Variants in CLIC5 observed in about 807,000 individuals in gnomAD.
CLIC5 encodes CLIC family member 5.
A neutral mutation model predicts 24.7 loss-of-function variants in CLIC5; 20 were observed. The ratio of observed to expected loss-of-function variants is 0.81; its 90% confidence interval spans 0.57 to 1.18. CLIC5 has a LOEUF of 1.18. CLIC5 is among the 50% of genes most tolerant of loss of function. The pLI is 0.00. For missense variants in CLIC5, 341 were observed against 326.1 expected (o/e 1.05, Z -0.35); for synonymous variants, 159 against 135.6 (o/e 1.17, Z -1.20).
intron 1 of CLIC5, among the ~76,000 whole-genome samples, chr6:45,991,277 T>G (rs571149818): frequency 6.6e-6 from 1 of 152,340 alleles, no homozygotes; most frequent in South Asian, 2.1e-4. Flanking sequence ...AAGAGATTCT[T>G]GCTAGTCCTA....
At chr6:46,011,234 G>A (rs1191481313) in intron 1 of CLIC5, among the ~76,000 whole-genome samples, 1 of 152,218 alleles carries the variant, frequency 6.6e-6, no homozygotes, top group Non-Finnish European at 1.5e-5. Context: ...TCTGTTAACT[G>A]GGCAGTGATT....
intron 6 of CLIC5, among the ~76,000 whole-genome samples, chr6:45,884,286 A>G (rs1437850777): frequency 1.3e-5 from 2 of 152,210 alleles, no homozygotes; most frequent in Non-Finnish European, 2.9e-5. Context: ...CAGGTAGGAG[A>G]AACCAGCCTT....
chr6:46,007,924 T>C (rs1196012687), intron 1 of CLIC5, among the ~76,000 whole-genome samples: 1 of 151,346 alleles, frequency 6.6e-6, no homozygotes, highest in African/African-American at 2.4e-5. Flanking sequence ...TCTTTTTTTT[T>C]TTTTCCCGAT....
chr6:45,880,975 G>T, downstream of CLIC5: 1 of 394,744 alleles, frequency 2.5e-6, no homozygotes, highest in Middle Eastern at 6.4e-4. Context: ...AGAGGGAATG[G>T]GGGGACGGGT....
At chr6:45,905,799 A>G (rs1762644978) in intron 5 of CLIC5, among the ~76,000 whole-genome samples, 1 of 152,106 alleles carries the variant, frequency 6.6e-6, no homozygotes, top group Admixed American at 6.5e-5. Flanking sequence ...TTACTTCCCA[A>G]AACTGATGTA....
intron 1 of CLIC5, among the ~76,000 whole-genome samples, chr6:45,982,643 T>C (rs1012209804): frequency 2.0e-5 from 3 of 152,156 alleles, no homozygotes; most frequent in African/African-American, 4.8e-5. Context: ...AAAAATACAG[T>C]ATTATAATTT....
chr6:46,069,335 A>G (rs187954790), intron 1 of CLIC5, among the ~76,000 whole-genome samples: 6 of 152,308 alleles, frequency 3.9e-5, no homozygotes, highest in Admixed American at 1.3e-4. Context: ...CATGTGAAAG[A>G]GAGAAGATCC....
chr6:46,113,901 C>T, the CLIC5 span, among the ~76,000 whole-genome samples: 12 of 152,138 alleles, frequency 7.9e-5, no homozygotes, highest in Non-Finnish European at 1.5e-4. Context: ...AGGAGAGTGT[C>T]CCTCAGAGGA....
At chr6:46,044,624 T>G (rs1263555643) in intron 1 of CLIC5, among the ~76,000 whole-genome samples, 1 of 152,202 alleles carries the variant, frequency 6.6e-6, no homozygotes, top group Non-Finnish European at 1.5e-5. Flanking sequence ...GGCAGGAATG[T>G]AGGTTTCTTG....
intron 1 of CLIC5, among the ~76,000 whole-genome samples, chr6:45,964,846 A>G (rs1764966472): frequency 6.6e-6 from 1 of 152,220 alleles, no homozygotes; most frequent in Admixed American, 6.5e-5. Context: ...CTCAGCAGGC[A>G]ACTCACATAC....
intron 2 of CLIC5, among the ~76,000 whole-genome samples, chr6:45,952,085 C>T (rs147826666): frequency 2.2e-3 from 341 of 152,322 alleles, no homozygotes; most frequent in Non-Finnish European, 3.6e-3. Flanking sequence ...TGCTCTCAGT[C>T]ACCTCTCTGT....
chr6:46,015,616 G>A lies in CLIC5; in HGVS notation c.-74C>T. The A allele has an allele frequency of 2.1e-6, 3 of 1,424,298 alleles. No individual in the cohort carries two copies. The highest frequency in any genetic ancestry group is 1.4e-5 in the South Asian group (1 of 68,970). 88.2% of individuals were successfully genotyped at this position (1,424,298 alleles called of 1,614,324 possible). A position where few individuals can be genotyped will look rare whatever the true frequency, so the allele number is the denominator to read the frequency against. On this transcript the variant is annotated 5_prime_UTR_variant, in exon 1 of 6. Transcript: ENST00000339561. Reference sequence around the variant, plus strand: ...TGCAGCACCTGGGCCAGCACTCTGCGCTCCTGCCGCTGCCCAGCGGGGCTC... The same window carrying A: ...TGCAGCACCTGGGCCAGCACTCTGCACTCCTGCCGCTGCCCAGCGGGGCTC...
intron 4 of CLIC5, chr6:45,919,021 C>T (rs1429433291): frequency 1.0e-6 from 1 of 985,274 alleles, no homozygotes; most frequent in African/African-American, 1.7e-5. Flanking sequence ...GGAAATGTGC[C>T]TTGCTTTGTT....
chr6:46,026,403 G>A (rs1158073664), intron 1 of CLIC5, among the ~76,000 whole-genome samples: 1 of 152,148 alleles, frequency 6.6e-6, no homozygotes, highest in East Asian at 1.9e-4. Context: ...GGCAGACACA[G>A]AGGAAATTCA....
chr6:46,022,791 G>A (rs1767219872), intron 1 of CLIC5, among the ~76,000 whole-genome samples: 1 of 152,164 alleles, frequency 6.6e-6, no homozygotes, highest in Non-Finnish European at 1.5e-5. Flanking sequence ...TTTTCGGGGT[G>A]TCTACTATGT....
At chr6:46,087,343 G>GTTTA in the CLIC5 span, among the ~76,000 whole-genome samples, 3 of 152,238 alleles carry the variant, frequency 2.0e-5, no homozygotes, top group East Asian at 5.8e-4. Context: ...TGTTTGATAG[G>GTTTA]TTTATTTAAA....
chr6:45,920,842 C>T (rs1457015582), intron 4 of CLIC5, among the ~76,000 whole-genome samples: 1 of 78,324 alleles, frequency 1.3e-5, no homozygotes, highest in Non-Finnish European at 3.2e-5. Context: ...AATGTAGATG[C>T]TGCTATAACG....
rs1561917187 is a variant in CLIC5 at position 45,901,355 on chromosome 6, G to A, written c.*1733C>T. On this transcript the variant is annotated 3_prime_UTR_variant, in exon 6 of 6. Coordinates refer to ENST00000339561, the MANE Select transcript of CLIC5 (RefSeq NM_016929.5). ...AGTTCCTCTTCCTCAATGGGCTCTA[G>A]GAGACCTCCTGCTTCCTCTCCTCTG... 1 of 152,124 alleles carries A rather than the reference G, an allele frequency of 6.6e-6. No individual in the cohort carries two copies. Among genetic ancestry groups the A allele is most frequent in the South Asian group, 2.1e-4 (1 of 4,824 alleles). 9.4% of individuals were successfully genotyped at this position (152,124 alleles called of 1,614,324 possible).
the CLIC5 span, among the ~76,000 whole-genome samples, chr6:46,098,893 G>A: frequency 4.6e-5 from 7 of 152,210 alleles, no homozygotes; most frequent in African/African-American, 1.7e-4. Flanking sequence ...TTTGTTTGCT[G>A]AGACTGGCTT....
Sources: gnomAD v4.1 joint callset for allele counts (sites outside exome capture counted in the v4.1 genomes callset) on GRCh38, gnomAD v4.1.1 for gene constraint, MANE v1.5 for transcripts, NCBI Gene and HGNC (gene_info 2026-07-23, HGNC 2026-07-21) for gene names.